Variants in FAM184B observed in about 807,000 individuals in gnomAD.
FAM184B encodes the protein protein FAM184B.
FAM184B carries 111 observed loss-of-function variants against 135.9 expected under a neutral mutation model. That is an observed-to-expected ratio of 0.82 (90% CI 0.70 to 0.96). The LOEUF (loss-of-function observed/expected upper bound fraction) is 0.96, where lower values mean the gene tolerates loss of function less well. Among genes scored for constraint, FAM184B ranks in the 40% least tolerant of loss-of-function variants. The probability of loss-of-function intolerance (pLI) is 0.00; values close to 1 mark genes in which losing one functional copy is unlikely to be tolerated. For synonymous variants in FAM184B, 552 were observed against 524.8 expected, an observed-to-expected ratio of 1.05 and a Z score of -0.71; for missense variants, 1,375 against 1,323.9, an observed-to-expected ratio of 1.04 and a Z score of -0.60.
intron 10 of FAM184B, among the ~76,000 whole-genome samples, chr4:17,655,322 C>T (rs1715757309): frequency 2.0e-5 from 3 of 152,200 alleles, no homozygotes. Flanking sequence ...AACTCTCTCA[C>T]TCTGACCCAG....
At chr4:17,773,901 C>T (rs1234448480) in intron 1 of FAM184B, among the ~76,000 whole-genome samples, 1 of 152,180 alleles carries the variant, frequency 6.6e-6, no homozygotes, top group South Asian at 2.1e-4. Flanking sequence ...AGAGATGGTT[C>T]TTGCAGAGGA....
At chr4:17,704,816 A>C (rs1122675) in intron 5 of FAM184B, among the ~76,000 whole-genome samples, 184 bp downstream of exon 5, 2 of 152,082 alleles carry the variant, frequency 1.3e-5, no homozygotes, top group Non-Finnish European at 2.9e-5. Context: ...AGAAGGCATA[A>C]GGAGCTGTGC....
chr4:17,706,303 C>T (rs1717117154), intron 3 of FAM184B, among the ~76,000 whole-genome samples: 2 of 152,200 alleles, frequency 1.3e-5, no homozygotes, highest in South Asian at 2.1e-4. Flanking sequence ...GAGACCTCTG[C>T]TCGAAACCCA....
chr4:17,754,425 CCTAT>C (rs1420289572), intron 1 of FAM184B, among the ~76,000 whole-genome samples: 2 of 151,924 alleles, frequency 1.3e-5, no homozygotes, highest in African/African-American at 4.8e-5. Context: ...GTAGCGCATG[CCTAT>C]AATCCCAGCT....
intron 13 of FAM184B, 149 bp downstream of exon 13, chr4:17,641,907 C>T (rs1715328449): frequency 5.9e-6 from 7 of 1,187,472 alleles, no homozygotes; most frequent in East Asian, 3.0e-5. Flanking sequence ...GAAATGCTGG[C>T]GCATTCAGTG....
At chr4:17,751,971 GAA>G (rs796589876) in intron 1 of FAM184B, among the ~76,000 whole-genome samples, 4 of 134,832 alleles carry the variant, frequency 3.0e-5, no homozygotes, top group Non-Finnish European at 4.8e-5. Flanking sequence ...GAAAGATCAG[GAA>G]AAAAAAAAAA....
chr4:17,694,519 T>C (rs1318718217), intron 5 of FAM184B, among the ~76,000 whole-genome samples: 1 of 96,300 alleles, frequency 1.0e-5, no homozygotes, highest in African/African-American at 3.5e-5. Context: ...CAAGACTCCA[T>C]CTCAAAAAAA....
chr4:17,743,841 C>T (rs188533857), intron 1 of FAM184B, among the ~76,000 whole-genome samples: 50 of 152,316 alleles, frequency 3.3e-4, no homozygotes, highest in African/African-American at 1.0e-3. Context: ...ACTTAAAACA[C>T]GTGCTGTATG....
At chr4:17,640,107 C>G (rs1438546143) in intron 13 of FAM184B, among the ~76,000 whole-genome samples, 2 of 100,668 alleles carry the variant, frequency 2.0e-5, no homozygotes, top group East Asian at 2.1e-3. Flanking sequence ...GCTGGGATTA[C>G]ACGCGTGAGC....
intron 5 of FAM184B, among the ~76,000 whole-genome samples, chr4:17,698,320 G>A (rs1215185261): frequency 2.6e-5 from 4 of 152,072 alleles, no homozygotes; most frequent in African/African-American, 4.8e-5. Flanking sequence ...CTGATAAGAC[G>A]TAGATACAGG....
intron 14 of FAM184B, among the ~76,000 whole-genome samples, chr4:17,637,980 C>G (rs1055393534): frequency 5.5e-4 from 21 of 37,946 alleles, no homozygotes; most frequent in African/African-American, 1.5e-3. Context: ...TCCTCTCCTC[C>G]CACTCACCCT....
intron 5 of FAM184B, among the ~76,000 whole-genome samples, chr4:17,704,261 A>G (rs1717057391): frequency 6.6e-6 from 1 of 152,174 alleles, no homozygotes; most frequent in Non-Finnish European, 1.5e-5. Context: ...TCTTTTCTGA[A>G]ATCTTCACAT....
chr4:17,723,870 C>T (rs971480118), intron 1 of FAM184B, among the ~76,000 whole-genome samples: 1 of 152,176 alleles, frequency 6.6e-6, no homozygotes, highest in African/African-American at 2.4e-5. Flanking sequence ...AGCGTGCCTG[C>T]CACCACATGA....
intron 1 of FAM184B, among the ~76,000 whole-genome samples, chr4:17,712,978 T>C (rs1159048079): frequency 6.6e-6 from 1 of 152,218 alleles, no homozygotes; most frequent in East Asian, 1.9e-4. Flanking sequence ...ACCTGGAGGC[T>C]GCAGATGTTG....
intron 1 of FAM184B, among the ~76,000 whole-genome samples, chr4:17,728,944 C>T (rs113426538): frequency 3.3e-5 from 5 of 152,174 alleles, no homozygotes; most frequent in African/African-American, 7.2e-5. Context: ...TGAAGCAGGG[C>T]GAGGCATTGC....
chr4:17,671,373 G>C (rs1716166015), intron 7 of FAM184B, among the ~76,000 whole-genome samples: 1 of 152,176 alleles, frequency 6.6e-6, no homozygotes, highest in East Asian at 1.9e-4. Flanking sequence ...ACTTGGAAGA[G>C]AATGGAGGTG....
intron 7 of FAM184B, among the ~76,000 whole-genome samples, chr4:17,670,168 A>AT (rs1324287922): frequency 2.0e-5 from 3 of 152,258 alleles, no homozygotes; most frequent in Non-Finnish European, 4.4e-5. Context: ...ACGGAAATTT[A>AT]TAGCTTTAAA....
intron 1 of FAM184B, among the ~76,000 whole-genome samples, chr4:17,760,255 G>A (rs932582274): frequency 6.6e-6 from 1 of 152,116 alleles, no homozygotes; most frequent in African/African-American, 2.4e-5. Context: ...CACAAGGTCA[G>A]GAGTTCAAGA....
At chr4:17,674,754 A>G (rs969346661) in intron 7 of FAM184B, among the ~76,000 whole-genome samples, 1 of 152,226 alleles carries the variant, frequency 6.6e-6, no homozygotes, top group African/African-American at 2.4e-5. Flanking sequence ...TGCTCACAGA[A>G]GTCTCATCAG....
Sources: gnomAD v4.1 joint callset for allele counts (sites outside exome capture counted in the v4.1 genomes callset) on GRCh38, gnomAD v4.1.1 for gene constraint, MANE v1.5 for transcripts, NCBI Gene and HGNC (gene_info 2026-07-23, HGNC 2026-07-21) for gene names.